The following DNHD1 variants were observed in gnomAD, a reference collection of about 807,000 sequenced individuals.
The protein encoded by DNHD1 is dynein heavy chain domain-containing protein 1.
In DNHD1, 383 loss-of-function variants were observed where a neutral mutation model predicts 458.1. The ratio of observed to expected loss-of-function variants is 0.84; its 90% confidence interval spans 0.77 to 0.91. The LOEUF (loss-of-function observed/expected upper bound fraction) is 0.91, where lower values mean the gene tolerates loss of function less well. Among genes scored for constraint, DNHD1 ranks in the 40% least tolerant of loss-of-function variants. The pLI, the probability that DNHD1 is intolerant of heterozygous loss-of-function variation, is 0.00. For missense variants in DNHD1, 5,336 were observed against 5,866.1 expected (o/e 0.91, Z 2.95); for synonymous variants, 2,203 against 2,376.9 (o/e 0.93, Z 2.13).
In DNHD1 at chr11:6,539,861, AC is replaced by A; in HGVS notation, c.3421-12del. 1.3e-6 allele frequency: 2 copies of A among 1,551,374 alleles called. No individual in the cohort carries two copies. Among genetic ancestry groups the A allele is most frequent in the Non-Finnish European group, 1.7e-6 (2 of 1,146,702 alleles). On this transcript the variant is annotated splice_polypyrimidine_tract_variant and intron_variant, in intron 17 of 42. Coordinates refer to ENST00000254579, the MANE Select transcript of DNHD1 (RefSeq NM_144666.3). ...CAGTTACCCAGTCCTGGTTCCTGAG[AC>A]CCAGCTGTTCCAGGTCTGGCAGAAT...
At position 6,528,866 on chromosome 11, in the gene DNHD1, G is replaced by T; in HGVS notation, c.2104-12G>T. On this transcript the variant is annotated splice_polypyrimidine_tract_variant and intron_variant, in intron 11 of 42. Coordinates refer to ENST00000254579, the MANE Select transcript of DNHD1 (RefSeq NM_144666.3). The stretch of plus-strand genomic sequence containing the variant: ...CGCATGCCTCTGCCCTAAACACCTT[G>T]TCTGCCCTTAGGGCGTGCTGTGCAA... 1.3e-6 allele frequency: 2 copies of T among 1,551,464 alleles called. No individual in the cohort carries two copies. The highest frequency in any genetic ancestry group is 2.4e-5 in the South Asian group (2 of 84,060).
intron 28 of DNHD1, 81 bp from the exon 29 acceptor site, chr11:6,562,901 A>G: frequency 6.8e-7 from 1 of 1,465,770 alleles, no homozygotes; most frequent in Non-Finnish European, 9.1e-7. Flanking sequence ...AGTGTGCTAC[A>G]GTTCCAGGAT....
At chr11:6,500,004 G>A (rs189183635) in intron 3 of DNHD1, among the ~76,000 whole-genome samples, 8 of 144,648 alleles carry the variant, frequency 5.5e-5, no homozygotes, top group East Asian at 2.0e-4. Flanking sequence ...TCACTCTGTC[G>A]CCCAGGCTAG....
Position 6,545,652 on chromosome 11 carries a change from C to T in DNHD1, c.4713C>T (p.Leu1571=). 6.4e-7 allele frequency: 1 copy of T among 1,551,766 alleles called. No homozygotes were observed. The highest frequency in any genetic ancestry group is 8.7e-7 in the Non-Finnish European group (1 of 1,147,002). Residue 1571 remains leucine, a synonymous_variant, in exon 21 of 43, where the codon CTC becomes CTT. Coordinates refer to ENST00000254579, the MANE Select transcript of DNHD1 (RefSeq NM_144666.3). This position sits in a 1 kb window ranked among gnomAD's most constrained non-coding sequence, Gnocchi z 4.9. ...CTTCTGTCCGCCAGACCAGCCTTCT[C>T]AGTGCCCTGCTGGTCATGGCAGTGA... ...SLPSVRQTSL[L]SALLVMAVTH...
intron 14 of DNHD1, among the ~76,000 whole-genome samples, chr11:6,536,755 C>T (rs1316416554): frequency 6.6e-6 from 1 of 152,140 alleles, no homozygotes; most frequent in African/African-American, 2.4e-5. Context: ...TCTTAATCCC[C>T]AGTTTGTCTT....
In DNHD1 at chr11:6,571,480, A is replaced by G; in HGVS notation, c.13911+57A>G. ...CAGTCCCCTCGAAGTCTCTAATTACACCTCGCAGTTACCCCTTCTTGGTGA... is the reference window on the plus strand; with the variant it reads ...CAGTCCCCTCGAAGTCTCTAATTACGCCTCGCAGTTACCCCTTCTTGGTGA... On this transcript the variant is annotated intron_variant, in intron 42 of 42. Coordinates refer to ENST00000254579, the MANE Select transcript of DNHD1 (RefSeq NM_144666.3). The surrounding 1 kb of genome is among the most constrained non-coding windows in gnomAD (Gnocchi z 5.0). 1 of 1,485,730 alleles carries G rather than the reference A, an allele frequency of 6.7e-7. No homozygotes were observed. Among genetic ancestry groups the G allele is most frequent in the Non-Finnish European group, 9.0e-7 (1 of 1,111,946 alleles). The allele number at this position is 1,485,730 out of a possible 1,614,324, so 92.0% of individuals were successfully genotyped here. A position where few individuals can be genotyped will look rare whatever the true frequency, so the allele number is the denominator to read the frequency against.
intron 10 of DNHD1, among the ~76,000 whole-genome samples, chr11:6,526,469 G>A (rs1438747470): frequency 6.6e-6 from 1 of 151,840 alleles, no homozygotes; most frequent in Non-Finnish European, 1.5e-5. Context: ...ATAAAAGCTT[G>A]GTATGGGGTT....
chr11:6,519,674 C>T lies in DNHD1; in HGVS notation c.1467C>T (p.Gly489=). 2 of 1,614,174 alleles carry T rather than the reference C, an allele frequency of 1.2e-6. No homozygotes were observed. Among genetic ancestry groups the T allele is most frequent in the Non-Finnish European group, 8.5e-7 (1 of 1,180,030 alleles). Residue 489 remains glycine (G), a synonymous_variant, in exon 8 of 43, where the codon GGC becomes GGT. Coordinates refer to ENST00000254579, the MANE Select transcript of DNHD1 (RefSeq NM_144666.3). ...RVQNCDRIRT[G]QGSIYLQRVQ... ...AAAACTGTGACAGGATCAGGACAGG[C>T]CAAGGCTCCATATACCTTCAGAGGG...
At position 6,547,674 on chromosome 11, in the gene DNHD1, G is replaced by T; in HGVS notation, c.6727+8G>T. 1.3e-6 allele frequency: 2 copies of T among 1,514,454 alleles called. No individual in the cohort carries two copies. The highest frequency in any genetic ancestry group is 1.8e-6 in the Non-Finnish European group (2 of 1,125,160). The allele number at this position is 1,514,454 out of a possible 1,614,324, so 93.8% of individuals were successfully genotyped here. A position where few individuals can be genotyped will look rare whatever the true frequency, so the allele number is the denominator to read the frequency against. On this transcript the variant is annotated splice_region_variant and intron_variant, in intron 21 of 42. Transcript: ENST00000254579. ...AGAAGGCCCCTGGCCCAGGTGGGAA[G>T]ATGGACGGGCTGGTTTGAGAGAGAT...
Position 6,548,177 on chromosome 11 carries a change from C to G in DNHD1, c.6906-33C>G. ...TCATAAATGGAAGTGTTGTAACTGT[C>G]TGACGCTTTTGCCTGTGTGTCCATC... On this transcript the variant is annotated intron_variant, in intron 22 of 42. Transcript: ENST00000254579. This position sits in a 1 kb window ranked among gnomAD's most constrained non-coding sequence, Gnocchi z 4.4. The G allele has an allele frequency of 6.5e-7, 1 of 1,549,300 alleles. No individual in the cohort carries two copies.
Position 6,566,575 on chromosome 11 carries a change from TGTTACCCCAA to T in DNHD1, c.11207-9_11207del, listed in dbSNP as rs759052984. The T allele has an allele frequency of 8.9e-5, 143 of 1,613,282 alleles. No homozygotes were observed. The African/African-American group carries it at 1.7e-3, about 20-fold the overall frequency. On this transcript the variant is annotated splice_acceptor_variant and splice_polypyrimidine_tract_variant and intron_variant, in intron 34 of 42. Transcript: ENST00000254579. LOFTEE classifies it high-confidence loss of function. ...AGGGGAAGAGGTTAAGCATCTCCCA[TGTTACCCCAA>T]GTGCTAGGTTGTGAACTGCTAAAGG...
In DNHD1 at chr11:6,544,842, C is replaced by T. The variant is rs1418505716; in HGVS notation, c.3903C>T (p.Ile1301=). The change falls in exon 21 of 43, where the codon ATC becomes ATT. Residue 1301 remains isoleucine, a synonymous_variant. Coordinates refer to ENST00000254579, the MANE Select transcript of DNHD1 (RefSeq NM_144666.3). ...ACCAGTATCGAACCCTGATGCGCAT[C>T]TCTGTAGCTGACCCCATGGTTCTGT... is the stretch of plus-strand genomic sequence containing the variant. ...MDDQYRTLMR[I]SVADPMVLSL... The T allele has an allele frequency of 1.3e-6, 2 of 1,551,674 alleles. No individual in the cohort carries two copies. The highest frequency in any genetic ancestry group is 4.9e-5 in the East Asian group (2 of 40,910).
At chr11:6,503,485 TTTC>T (rs1189560504) in intron 4 of DNHD1, 1 of 152,234 alleles carries the variant, frequency 6.6e-6, no homozygotes, top group Non-Finnish European at 1.5e-5. Context: ...CTTTTAAAAA[TTTC>T]TTCTTATTAT....
rs1445434222 is a variant in DNHD1, at chr11:6,545,749, CAACTCAAGTATCA to C, written c.4811_4823del (p.Gln1604ProfsTer7). ...TCTCACAGACTTTCACTGGGTCCGC[CAACTCAAGTATCA>C]CTTGGGTTCACCTCACATAATCCCC... On this transcript the variant is annotated frameshift_variant, in exon 21 of 43. Transcript: ENST00000254579. LOFTEE classifies it high-confidence loss of function. This position sits in a 1 kb window ranked among gnomAD's most constrained non-coding sequence, Gnocchi z 4.9. 1 of 1,551,560 alleles carries C rather than the reference CAACTCAAGTATCA, an allele frequency of 6.4e-7. No homozygotes were observed. The highest frequency in any genetic ancestry group is 8.7e-7 in the Non-Finnish European group (1 of 1,147,000).
intron 3 of DNHD1, among the ~76,000 whole-genome samples, chr11:6,499,351 C>T (rs1852092520): frequency 6.6e-6 from 1 of 152,028 alleles, no homozygotes; most frequent in Non-Finnish European, 1.5e-5. Flanking sequence ...GAGTTGATTC[C>T]TGGATGTTGG....
rs1003830184 is a variant in DNHD1, at chr11:6,538,794, C to T, written c.3309C>T (p.Cys1103=). The T allele has an allele frequency of 1.3e-6, 2 of 1,521,838 alleles. No individual in the cohort carries two copies. The highest frequency in any genetic ancestry group is 2.8e-5 in the African/African-American group (2 of 72,520). 94.3% of individuals were successfully genotyped at this position (1,521,838 alleles called of 1,614,324 possible). The change falls in exon 16 of 43, where the codon TGC becomes TGT. Residue 1103 remains cysteine, a synonymous_variant. Coordinates refer to ENST00000254579, the MANE Select transcript of DNHD1 (RefSeq NM_144666.3). ...GCCTCCACCCACAGAGCCTCAACTG[C>T]CAGTGTCTCCTGCGTGGTATGTTTG... is the stretch of plus-strand genomic sequence containing the variant. ...LGSLHPQSLN[C]QCLLRALGLG...
chr11:6,563,070 T>A lies in DNHD1; in HGVS notation c.9608T>A (p.Ile3203Asn), dbSNP rs375591997. ...GAGTGTCGGCATCAAGAGAACCTCATTGAGAACCTGGCCAGGCAACGGGAT... is the reference window on the plus strand; with the variant it reads ...GAGTGTCGGCATCAAGAGAACCTCAATGAGAACCTGGCCAGGCAACGGGAT... ...LEECRHQENLIENLARQRDAL... is the reference protein window; with the variant it reads ...LEECRHQENLNENLARQRDAL... Residue 3203 changes from isoleucine to asparagine, a missense_variant, in exon 29 of 43, where the codon ATT becomes AAT. Physicochemically the swap from Ile to Asn is moderately radical, Grantham distance 149. Transcript: ENST00000254579. 12 of 1,551,428 alleles carry A rather than the reference T, an allele frequency of 7.7e-6. No homozygotes were observed. The South Asian group carries it at 1.2e-4, about 15-fold the overall frequency.
rs757178960 is a variant in DNHD1 at position 6,545,764 on chromosome 11, T to C, written c.4825T>C (p.Leu1609=). The part of the protein sequence containing the change: ...FHWVRQLKYH[L]GSPHIIPKSP... Reference sequence around the variant, plus strand: ...CTGGGTCCGCCAACTCAAGTATCACTTGGGTTCACCTCACATAATCCCCAA... The same window carrying C: ...CTGGGTCCGCCAACTCAAGTATCACCTGGGTTCACCTCACATAATCCCCAA... Residue 1609 remains leucine, a synonymous_variant, in exon 21 of 43, where the codon TTG becomes CTG. Coordinates refer to ENST00000254579, the MANE Select transcript of DNHD1 (RefSeq NM_144666.3). The surrounding 1 kb of genome is among the most constrained non-coding windows in gnomAD (Gnocchi z 4.9). 9.7e-6 allele frequency: 15 copies of C among 1,551,612 alleles called. No individual in the cohort carries two copies. In the Admixed American group the frequency reaches 1.6e-4, roughly 16 times the overall value.
chr11:6,551,703 G>A (rs751448895), intron 24 of DNHD1, among the ~76,000 whole-genome samples: 14 of 152,252 alleles, frequency 9.2e-5, no homozygotes, highest in Non-Finnish European at 1.8e-4. Flanking sequence ...GGCACTTTGG[G>A]AGGCCAAGGA....
Sources: allele counts gnomAD v4.1 joint callset (sites outside exome capture counted in the v4.1 genomes callset), GRCh38; gene constraint gnomAD v4.1.1; non-coding constraint Gnocchi (gnomAD v3.1); transcripts MANE v1.5; gene names NCBI Gene and HGNC (gene_info 2026-07-23, HGNC 2026-07-21).